The following DNAH14 variants were observed in gnomAD, a reference collection of about 807,000 sequenced individuals.
The protein encoded by DNAH14 is axonemal beta dynein heavy chain 14.
In DNAH14, 478 loss-of-function variants were observed where a neutral mutation model predicts 520.9. The observed-to-expected ratio is 0.92, with a 90% CI of 0.85 to 0.99. DNAH14 has a LOEUF of 0.99. Ranked by LOEUF, DNAH14 falls within the 50% of genes least tolerant of loss-of-function variation. The probability of loss-of-function intolerance (pLI) is 0.00; values close to 1 mark genes in which losing one functional copy is unlikely to be tolerated. For synonymous variants in DNAH14, 1,581 were observed against 1,757.2 expected, an observed-to-expected ratio of 0.90 and a Z score of 2.51; for missense variants, 4,831 against 5,234.5, an observed-to-expected ratio of 0.92 and a Z score of 2.38.
Position 224,955,046 on chromosome 1 carries a change from A to G in DNAH14, c.165A>G (p.Glu55=), listed in dbSNP as rs369460884. 1.9e-4 allele frequency: 299 copies of G among 1,611,924 alleles called. 1 individual carries two copies. Among genetic ancestry groups the G allele is most frequent in the Middle Eastern group, 1.8e-3 (11 of 6,050 alleles). ...PAEIAEKETL[E]YKTVRTFSES... is the part of the protein sequence containing the mutation. ...AAATAGCAGAAAAGGAAACATTGGAATATAAAACAGTTAGAACATTCTCTG... is the reference window on the plus strand; with the variant it reads ...AAATAGCAGAAAAGGAAACATTGGAGTATAAAACAGTTAGAACATTCTCTG... The change falls in exon 3 of 86, where the codon GAA becomes GAG. Residue 55 remains glutamate, a synonymous_variant. Transcript: ENST00000682510.
chr1:225,206,151 C>T lies in DNAH14; in HGVS notation c.6158C>T (p.Thr2053Ile), dbSNP rs2087523610. 6.4e-7 allele frequency: 1 copy of T among 1,551,198 alleles called. No individual in the cohort carries two copies. Among genetic ancestry groups the T allele is most frequent in the African/African-American group, 1.4e-5 (1 of 73,038 alleles). Residue 2053 changes from threonine to isoleucine, a missense_variant, in exon 40 of 86, where the codon ACT becomes ATT. Physicochemically the swap from Thr to Ile is moderately conservative, Grantham distance 89 (BLOSUM62 -1). Coordinates refer to ENST00000682510, the MANE Select transcript of DNAH14 (RefSeq NM_001367479.1). ...VDNLSQASPA[T>I]VSRCAMVYMD... is the part of the protein sequence containing the mutation. ...AATCTCTCTCAGGCCAGTCCTGCTACTGTCAGCCGATGTGCCATGGTCTAT... is the reference window on the plus strand; with the variant it reads ...AATCTCTCTCAGGCCAGTCCTGCTATTGTCAGCCGATGTGCCATGGTCTAT...
chr1:225,154,226 C>T (rs1186234369), intron 34 of DNAH14, among the ~76,000 whole-genome samples: 1 of 151,654 alleles, frequency 6.6e-6, no homozygotes, highest in Non-Finnish European at 1.5e-5. Flanking sequence ...AATAATATAC[C>T]ACATTAATAA....
intron 8 of DNAH14, among the ~76,000 whole-genome samples, chr1:224,988,367 A>G (rs531836152): frequency 1.2e-4 from 18 of 152,284 alleles, no homozygotes; most frequent in African/African-American, 4.3e-4. Flanking sequence ...AACATTCATG[A>G]AAAAGCTCAA....
intron 35 of DNAH14, among the ~76,000 whole-genome samples, chr1:225,165,012 A>G (rs749868795): frequency 6.6e-5 from 10 of 152,110 alleles, no homozygotes; most frequent in East Asian, 1.9e-4. Flanking sequence ...TACTTCTTCC[A>G]AGAGAGTTCT....
chr1:225,265,201 A>G lies in DNAH14; in HGVS notation c.7242A>G (p.Pro2414=), dbSNP rs2093067960. The change falls in exon 48 of 86, where the codon CCA becomes CCG. Residue 2414 remains proline, a synonymous_variant. Transcript: ENST00000682510. ...TGSSDNPTKK[P]EVRTNKKLLK... ...TCACAGATAATCCCACTAAAAAGCC[A>G]GAAGTTAGAACTAATAAAAAGTTAC... The G allele has an allele frequency of 6.7e-7, 1 of 1,481,520 alleles. No individual in the cohort carries two copies. The highest frequency in any genetic ancestry group is 1.4e-5 in the South Asian group (1 of 70,926). 91.8% of individuals were successfully genotyped at this position (1,481,520 alleles called of 1,614,324 possible).
intron 38 of DNAH14, among the ~76,000 whole-genome samples, chr1:225,195,118 C>T (rs1303579228): frequency 6.6e-6 from 1 of 152,080 alleles, no homozygotes; most frequent in African/African-American, 2.4e-5. Context: ...TCTCAAAGAA[C>T]TTAGAACTAC....
Position 225,350,045 on chromosome 1 carries a change from A to T in DNAH14, c.11297-1602A>T, listed in dbSNP as rs549368166. Among the ~76,000 whole-genome samples the T allele has an allele frequency of 4.6e-5, 7 of 152,312 alleles. No individual in the cohort carries two copies. The East Asian group carries it at 1.3e-3, about 29-fold the overall frequency. On this transcript the variant is annotated intron_variant, in intron 71 of 85. Transcript: ENST00000682510. The stretch of plus-strand genomic sequence containing the variant: ...ATTCCCCAGATAGACCACATGTTAG[A>T]CCATAAAACAAGTCTTAACAAATTC...
intron 28 of DNAH14, among the ~76,000 whole-genome samples, chr1:225,143,443 T>G (rs188574818): frequency 6.6e-6 from 1 of 152,170 alleles, no homozygotes; most frequent in East Asian, 1.9e-4. Flanking sequence ...ATTTACTCAC[T>G]TTTCCAGATT....
intron 36 of DNAH14, among the ~76,000 whole-genome samples, chr1:225,168,337 C>G (rs12403752): frequency 6.6e-6 from 1 of 152,030 alleles, no homozygotes; most frequent in Non-Finnish European, 1.5e-5. Context: ...GAGCGTGAGC[C>G]GAAGCAGGGC....
chr1:225,206,253 C>G, intron 40 of DNAH14, 74 bp downstream of exon 40: 1 of 1,268,540 alleles, frequency 7.9e-7, no homozygotes, highest in South Asian at 1.6e-5. Context: ...TTATTTACAG[C>G]ATTTTATGTT....
intron 22 of DNAH14, among the ~76,000 whole-genome samples, chr1:225,097,678 G>A (rs1261801782): frequency 1.3e-5 from 2 of 152,008 alleles, no homozygotes; most frequent in African/African-American, 4.8e-5. Context: ...GGAGGCTGAG[G>A]CAGGAGAATC....
chr1:225,358,378 A>G (rs2095455643), intron 73 of DNAH14, 118 bp from the exon 74 acceptor site: 2 of 929,574 alleles, frequency 2.2e-6, no homozygotes, highest in East Asian at 5.5e-5. Flanking sequence ...CTCAACAGGA[A>G]AACTCTGGCT....
chr1:225,147,325 T>A, intron 31 of DNAH14, 76 bp downstream of exon 31: 1 of 1,358,220 alleles, frequency 7.4e-7, no homozygotes, highest in Non-Finnish European at 9.4e-7. Flanking sequence ...TATTGTTAAA[T>A]ATTTTCCCCA....
At chr1:225,391,192 TG>T (rs1306598570) in intron 83 of DNAH14, among the ~76,000 whole-genome samples, 1 of 152,210 alleles carries the variant, frequency 6.6e-6, no homozygotes, top group Non-Finnish European at 1.5e-5. Context: ...GACTCCATCC[TG>T]TGGCAGCAGA....
chr1:225,278,679 G>A (rs997115410), intron 54 of DNAH14, among the ~76,000 whole-genome samples: 1 of 152,142 alleles, frequency 6.6e-6, no homozygotes, highest in African/African-American at 2.4e-5. Context: ...ATTATTAACA[G>A]ATTATTTTTC....
intron 22 of DNAH14, among the ~76,000 whole-genome samples, chr1:225,098,031 A>G (rs2075139334): frequency 6.6e-6 from 1 of 152,066 alleles, no homozygotes; most frequent in African/African-American, 2.4e-5. Context: ...TGTCTTAAAA[A>G]CAAACAAACA....
intron 17 of DNAH14, among the ~76,000 whole-genome samples, chr1:225,057,326 C>G (rs1381342824): frequency 6.6e-6 from 1 of 151,856 alleles, no homozygotes; most frequent in African/African-American, 2.4e-5. Flanking sequence ...TGATTTGGCT[C>G]TCTGTCTGTT....
chr1:224,949,687 C>T (rs1253452990), intron 1 of DNAH14, among the ~76,000 whole-genome samples: 1 of 152,110 alleles, frequency 6.6e-6, no homozygotes, highest in Non-Finnish European at 1.5e-5. Context: ...TTTTTAATCC[C>T]TCTCTTGTAT....
At chr1:224,976,507 A>C (rs576914716) in intron 8 of DNAH14, among the ~76,000 whole-genome samples, 43 of 152,340 alleles carry the variant, frequency 2.8e-4, no homozygotes, top group African/African-American at 9.9e-4. Context: ...TAAACTAAAG[A>C]GCTTCTGCAC....
Sources: gnomAD v4.1 joint callset for allele counts (sites outside exome capture counted in the v4.1 genomes callset) on GRCh38, gnomAD v4.1.1 for gene constraint, MANE v1.5 for transcripts, NCBI Gene and HGNC (gene_info 2026-07-23, HGNC 2026-07-21) for gene names.